Variants in CD82 observed in about 807,000 individuals in gnomAD.
CD82 encodes the protein CD82 molecule.
Under a neutral mutation model 37.4 loss-of-function variants are expected in CD82, and 36 were observed. That is an observed-to-expected ratio of 0.96 (90% CI 0.74 to 1.27). The LOEUF is 1.27. Among genes scored for constraint, CD82 ranks in the 50% most tolerant of loss-of-function variants. The probability of loss-of-function intolerance (pLI) is 0.00; values close to 1 mark genes in which losing one functional copy is unlikely to be tolerated. For missense variants in CD82, 340 were observed against 347.0 expected (o/e 0.98, Z 0.16); for synonymous variants, 158 against 137.4 (o/e 1.15, Z -1.05).
chr11:44,576,914 T>A (rs1434828480), intron 1 of CD82, among the ~76,000 whole-genome samples: 2 of 152,098 alleles, frequency 1.3e-5, no homozygotes, highest in African/African-American at 4.8e-5. Flanking sequence ...GAGCTAAGAC[T>A]GGAACCTGGG....
chr11:44,565,703 G>A lies in CD82; in HGVS notation c.-136G>A, dbSNP rs1383931981. On this transcript the variant is annotated 5_prime_UTR_variant, in exon 1 of 10. Transcript: ENST00000227155. The stretch of plus-strand genomic sequence containing the variant: ...CTGAGGCACGAGCGGGTGACGCTGG[G>A]CCTGCAGCGCGGAGCAGAAAGCAGA... 1 of 152,338 alleles carries A rather than the reference G, an allele frequency of 6.6e-6. No homozygotes were observed. Among genetic ancestry groups the A allele is most frequent in the Non-Finnish European group, 1.5e-5 (1 of 68,122 alleles). 9.4% of individuals were successfully genotyped at this position (152,338 alleles called of 1,614,324 possible). A position where few individuals can be genotyped will look rare whatever the true frequency, so the allele number is the denominator to read the frequency against.
intron 6 of CD82, among the ~76,000 whole-genome samples, chr11:44,613,832 ACAAAG>A (rs1853521389): frequency 8.8e-6 from 1 of 113,250 alleles, no homozygotes. Flanking sequence ...AAAAAACAAA[ACAAAG>A]CAAAACAAAA....
chr11:44,599,737 G>T (rs752085161), intron 3 of CD82, among the ~76,000 whole-genome samples: 39 of 152,366 alleles, frequency 2.6e-4, no homozygotes, highest in Middle Eastern at 3.4e-3. Context: ...TCAGACCTGG[G>T]GATGAGTTGG....
chr11:44,567,261 T>C (rs1198636479), intron 1 of CD82, among the ~76,000 whole-genome samples: 1 of 152,174 alleles, frequency 6.6e-6, no homozygotes, highest in Non-Finnish European at 1.5e-5. Context: ...TGAAGGACGC[T>C]GAAGGTGCTG....
intron 2 of CD82, 72 bp from the exon 3 acceptor site, chr11:44,594,571 C>T: frequency 1.1e-6 from 1 of 923,510 alleles, no homozygotes; most frequent in Non-Finnish European, 1.8e-6. Flanking sequence ...GGTTAGTACC[C>T]ACCTCCTGGG....
chr11:44,602,479 T>C (rs2134669296), intron 4 of CD82, among the ~76,000 whole-genome samples: 1 of 152,318 alleles, frequency 6.6e-6, no homozygotes, highest in Non-Finnish European at 1.5e-5. Flanking sequence ...TATAATACAA[T>C]TTAATCCTTT....
chr11:44,613,465 T>C (rs1853516121), intron 6 of CD82, among the ~76,000 whole-genome samples: 1 of 152,186 alleles, frequency 6.6e-6, no homozygotes, highest in Non-Finnish European at 1.5e-5. Context: ...TGAGAGCAGG[T>C]GCTGCTCTCC....
At chr11:44,568,416 G>A (rs1852767569) in intron 1 of CD82, among the ~76,000 whole-genome samples, 2 of 151,974 alleles carry the variant, frequency 1.3e-5, no homozygotes, top group African/African-American at 4.8e-5. Context: ...TGAGTGGCGG[G>A]GTTGCTGGGA....
intron 2 of CD82, 114 bp from the exon 3 acceptor site, chr11:44,594,529 C>A: frequency 1.4e-6 from 1 of 709,368 alleles, no homozygotes; most frequent in South Asian, 1.5e-5. Context: ...TCTAACCTCT[C>A]TGGGCCTCTG....
chr11:44,579,210 T>C (rs890591779), intron 1 of CD82, among the ~76,000 whole-genome samples: 3 of 124,800 alleles, frequency 2.4e-5, no homozygotes, highest in Non-Finnish European at 5.0e-5. Flanking sequence ...AAAAATGTGC[T>C]GGGGAAGGGT....
chr11:44,613,078 G>GGAGTCAGGC (rs1853509448), intron 6 of CD82, among the ~76,000 whole-genome samples: 1 of 152,124 alleles, frequency 6.6e-6, no homozygotes, highest in African/African-American at 2.4e-5. Flanking sequence ...GGGTTCCCTG[G>GGAGTCAGGC]GAGTCAGGCT....
chr11:44,575,526 T>C (rs1347090613), intron 1 of CD82, among the ~76,000 whole-genome samples: 2 of 152,326 alleles, frequency 1.3e-5, no homozygotes, highest in East Asian at 3.9e-4. Flanking sequence ...GGTTTCTGAT[T>C]CTGTGGGTCT....
At chr11:44,582,196 G>GA (rs960623778) in intron 1 of CD82, among the ~76,000 whole-genome samples, 2 of 151,768 alleles carry the variant, frequency 1.3e-5, no homozygotes, top group African/African-American at 4.8e-5. Context: ...CTGGGGTTTG[G>GA]GGCTGAATGA....
chr11:44,564,933 C>T (rs985339892), upstream of CD82, among the ~76,000 whole-genome samples: 2 of 152,240 alleles, frequency 1.3e-5, no homozygotes, highest in African/African-American at 4.8e-5. Flanking sequence ...TGTGGGAATT[C>T]AAGGGCTAGA....
chr11:44,612,588 AG>A (rs1177057019), intron 6 of CD82, among the ~76,000 whole-genome samples: 13 of 141,876 alleles, frequency 9.2e-5, no homozygotes, highest in African/African-American at 3.2e-4. Flanking sequence ...AGAGAAGGGC[AG>A]GGAGCGTCAT....
intron 2 of CD82, among the ~76,000 whole-genome samples, chr11:44,590,404 C>T (rs1362160465): frequency 2.0e-5 from 3 of 151,220 alleles, no homozygotes; most frequent in Non-Finnish European, 4.4e-5. Context: ...GTCAGGAGAT[C>T]GAGACCATCC....
At chr11:44,598,309 C>T (rs1470122346) in intron 3 of CD82, among the ~76,000 whole-genome samples, 1 of 151,318 alleles carries the variant, frequency 6.6e-6, no homozygotes, top group African/African-American at 2.4e-5. Context: ...CCACCTGGGC[C>T]CTGGGGCAAA....
intron 1 of CD82, among the ~76,000 whole-genome samples, chr11:44,571,525 A>C (rs1424617406): frequency 1.3e-5 from 2 of 152,230 alleles, no homozygotes; most frequent in African/African-American, 2.4e-5. Flanking sequence ...AGCGCCTGGC[A>C]CATAGTTAGT....
chr11:44,571,949 C>T (rs894761570), intron 1 of CD82, among the ~76,000 whole-genome samples: 5 of 152,148 alleles, frequency 3.3e-5, no homozygotes, highest in African/African-American at 7.3e-5. Context: ...ACCTGGGCTC[C>T]GTTCCCAGCT....
Sources: gnomAD v4.1 joint callset for allele counts (sites outside exome capture counted in the v4.1 genomes callset) on GRCh38, gnomAD v4.1.1 for gene constraint, MANE v1.5 for transcripts, NCBI Gene and HGNC (gene_info 2026-07-23, HGNC 2026-07-21) for gene names.